Variants in PCDHGB4 observed in about 807,000 individuals in gnomAD.
The protein encoded by PCDHGB4 is protocadherin gamma-B4.
In PCDHGB4, 38 loss-of-function variants were observed where a neutral mutation model predicts 60.5. The observed-to-expected ratio is 0.63, with a 90% CI of 0.48 to 0.82. The LOEUF (loss-of-function observed/expected upper bound fraction) is 0.82, where lower values mean the gene tolerates loss of function less well. Ranked by LOEUF, PCDHGB4 falls within the 40% of genes least tolerant of loss-of-function variation. The pLI is 0.00. For synonymous variants in PCDHGB4, 456 were observed against 509.7 expected, an observed-to-expected ratio of 0.89 and a Z score of 1.42; for missense variants, 1,109 against 1,209.6, an observed-to-expected ratio of 0.92 and a Z score of 1.23.
intron 1 of PCDHGB4, chr5:141,423,750 TGGGGG>T: frequency 5.2e-5 from 15 of 287,416 alleles, no homozygotes; most frequent in Non-Finnish European, 6.3e-5. Context: ...GAAAACTGTT[TGGGGG>T]GGGGGTGGGG....
At chr5:141,463,900 C>G (rs879243077) in intron 1 of PCDHGB4, among the ~76,000 whole-genome samples, 4 of 152,168 alleles carry the variant, frequency 2.6e-5, no homozygotes, top group Admixed American at 2.6e-4. Context: ...GCTTTTTGTA[C>G]TAATAATATA....
chr5:141,414,785 C>A, intron 1 of PCDHGB4: 1 of 1,614,232 alleles, frequency 6.2e-7, no homozygotes, highest in Non-Finnish European at 8.5e-7. Context: ...ATGCAGGTGA[C>A]AGCCAGCGAC....
chr5:141,509,691 AC>A (rs1471858383), intron 3 of PCDHGB4, among the ~76,000 whole-genome samples: 5 of 152,064 alleles, frequency 3.3e-5, no homozygotes, highest in African/African-American at 1.2e-4. Flanking sequence ...GTACAGTGGG[AC>A]GTTGGACTGG....
chr5:141,431,537 C>A lies in PCDHGB4; in HGVS notation c.2397+41256C>A, dbSNP rs2097391571. On this transcript the variant is annotated intron_variant, in intron 1 of 3. Transcript: ENST00000519479. This position sits in a 1 kb window ranked among gnomAD's most constrained non-coding sequence, Gnocchi z 4.8. ...TCCGGAGAATCTGGCCTTGGGCACG[C>A]AGCTGCTTGTAGTCAACGCTACCGA... 6.2e-7 allele frequency: 1 copy of A among 1,614,102 alleles called. No individual in the cohort carries two copies. The highest frequency in any genetic ancestry group is 1.3e-5 in the African/African-American group (1 of 75,072).
At chr5:141,440,472 A>C (rs913774913) in intron 1 of PCDHGB4, 6 of 152,322 alleles carry the variant, frequency 3.9e-5, no homozygotes, top group Admixed American at 3.9e-4. Flanking sequence ...ACGGTAGTTG[A>C]AAATTCTTTA....
At position 141,487,666 on chromosome 5, in the gene PCDHGB4, C is replaced by T. The variant is rs2099657736; in HGVS notation, c.2398-7141C>T. 1 of 1,612,838 alleles carries T rather than the reference C, an allele frequency of 6.2e-7. No homozygotes were observed. Among genetic ancestry groups the T allele is most frequent in the South Asian group, 1.1e-5 (1 of 90,712 alleles). Reference sequence around the variant, plus strand: ...TGCTTGAGGGTTATTCTGATCCAGGCATATGGCTAGGCCATGTCCTAGAGA... The same window carrying T: ...TGCTTGAGGGTTATTCTGATCCAGGTATATGGCTAGGCCATGTCCTAGAGA... On this transcript the variant is annotated intron_variant, in intron 1 of 3. Coordinates refer to ENST00000519479, the MANE Select transcript of PCDHGB4 (RefSeq NM_003736.4). This position sits in a 1 kb window ranked among gnomAD's most constrained non-coding sequence, Gnocchi z 5.0.
intron 1 of PCDHGB4, among the ~76,000 whole-genome samples, chr5:141,482,385 A>T (rs1238551737): frequency 6.6e-6 from 1 of 152,210 alleles, no homozygotes; most frequent in Non-Finnish European, 1.5e-5. Context: ...AAGTCCCTGT[A>T]TGGAGCAAGT....
Position 141,485,330 on chromosome 5 carries a change from C to T in PCDHGB4, c.2398-9477C>T. On this transcript the variant is annotated intron_variant, in intron 1 of 3. Transcript: ENST00000519479. This position sits in a 1 kb window ranked among gnomAD's most constrained non-coding sequence, Gnocchi z 5.7. ...TGTAGGGAATGTCGCTCAAGATTTC[C>T]TGCTGGATACGGACAGTCTGTCAGC... 6.2e-7 allele frequency: 1 copy of T among 1,614,164 alleles called. No individual in the cohort carries two copies. Among genetic ancestry groups the T allele is most frequent in the East Asian group, 2.2e-5 (1 of 44,862 alleles).
chr5:141,454,272 A>G (rs1226625529), intron 1 of PCDHGB4, among the ~76,000 whole-genome samples: 1 of 152,200 alleles, frequency 6.6e-6, no homozygotes, highest in Non-Finnish European at 1.5e-5. Context: ...ATGCCAGCAA[A>G]AACTTCACAT....
At chr5:141,403,868 A>T (rs2094463706) in intron 1 of PCDHGB4, 2 of 1,613,752 alleles carry the variant, frequency 1.2e-6, no homozygotes, top group Non-Finnish European at 1.7e-6. Context: ...AACAGCAAAA[A>T]GTCTAGATTA....
At position 141,476,752 on chromosome 5, in the gene PCDHGB4, A is replaced by C. The variant is rs771355583; in HGVS notation, c.2398-18055A>C. The C allele has an allele frequency of 6.2e-7, 1 of 1,613,926 alleles. No homozygotes were observed. The highest frequency in any genetic ancestry group is 1.1e-5 in the South Asian group (1 of 91,080). Reference sequence around the variant, plus strand: ...GAGAACGGGAGCCTAGTCTCCAGTTAGTGCTGACGGCGTTGGACGGAGGGA... The same window carrying C: ...GAGAACGGGAGCCTAGTCTCCAGTTCGTGCTGACGGCGTTGGACGGAGGGA... On this transcript the variant is annotated intron_variant, in intron 1 of 3. Transcript: ENST00000519479. The surrounding 1 kb of genome is among the most constrained non-coding windows in gnomAD (Gnocchi z 7.6).
chr5:141,510,795 G>T (rs994874330), intron 3 of PCDHGB4, 152 bp from the exon 4 acceptor site: 6 of 1,465,214 alleles, frequency 4.1e-6, no homozygotes. Flanking sequence ...CTTGTGAAGA[G>T]AGACTACCTT....
chr5:141,460,157 C>T (rs1388985005), intron 1 of PCDHGB4, among the ~76,000 whole-genome samples: 1 of 151,968 alleles, frequency 6.6e-6, no homozygotes, highest in Admixed American at 6.6e-5. Context: ...CTCTTTGTCA[C>T]ATACATATTT....
At chr5:141,391,471 C>G (rs2092375745) in intron 1 of PCDHGB4, 1 of 152,152 alleles carries the variant, frequency 6.6e-6, no homozygotes, top group Non-Finnish European at 1.5e-5. Flanking sequence ...GCCACCAGAC[C>G]TGGCTAATTT....
intron 1 of PCDHGB4, chr5:141,418,101 G>T: frequency 6.2e-7 from 1 of 1,614,082 alleles, no homozygotes; most frequent in Non-Finnish European, 8.5e-7. Context: ...GACGCGCAGA[G>T]CGGGGACTTA....
intron 1 of PCDHGB4, chr5:141,409,412 C>T (rs1261631725): frequency 1.2e-6 from 2 of 1,614,032 alleles, no homozygotes; most frequent in Non-Finnish European, 1.7e-6. Flanking sequence ...CTACTACAAA[C>T]TGGTGACAGA....
At chr5:141,416,674 G>A (rs547618174) in intron 1 of PCDHGB4, 1 of 152,250 alleles carries the variant, frequency 6.6e-6, no homozygotes, top group South Asian at 2.1e-4. Flanking sequence ...TATATGCAAC[G>A]AAGGGAAATT....
intron 1 of PCDHGB4, among the ~76,000 whole-genome samples, chr5:141,445,277 A>G (rs769047096): frequency 6.6e-6 from 1 of 152,256 alleles, no homozygotes; most frequent in African/African-American, 2.4e-5. Flanking sequence ...ACCACTCTGC[A>G]TAAGTTCAGG....
chr5:141,399,618 G>A, intron 1 of PCDHGB4: 1 of 1,613,914 alleles, frequency 6.2e-7, no homozygotes, highest in Non-Finnish European at 8.5e-7. Context: ...CTCTGGCACT[G>A]GCCTCTTACG....
Sources: allele counts gnomAD v4.1 joint callset (sites outside exome capture counted in the v4.1 genomes callset), GRCh38; gene constraint gnomAD v4.1.1; non-coding constraint Gnocchi (gnomAD v3.1); transcripts MANE v1.5; gene names NCBI Gene and HGNC (gene_info 2026-07-23, HGNC 2026-07-21).